SNX30: variants seen among roughly 807,000 people sequenced by gnomAD.
The protein encoded by SNX30 is sorting nexin family member 30.
A neutral mutation model predicts 46.4 loss-of-function variants in SNX30; 24 were observed. The observed-to-expected ratio is 0.52, with a 90% confidence interval of 0.37 to 0.73. The LOEUF (loss-of-function observed/expected upper bound fraction) is 0.73, where lower values mean the gene tolerates loss of function less well. Ranked by LOEUF, SNX30 falls within the 30% of genes least tolerant of loss-of-function variation. SNX30 has a pLI of 0.00. For missense variants in SNX30, 533 were observed against 555.7 expected (o/e 0.96, Z 0.41); for synonymous variants, 189 against 211.5 (o/e 0.89, Z 0.92).
intron 1 of SNX30, among the ~76,000 whole-genome samples, chr9:112,780,653 ACATCTAC>A (rs1159070916): frequency 6.6e-6 from 1 of 152,160 alleles, no homozygotes; most frequent in Non-Finnish European, 1.5e-5. Flanking sequence ...AATGTTCCTT[ACATCTAC>A]CATCTGCACA....
At chr9:112,760,858 G>T (rs1224967241) in intron 1 of SNX30, among the ~76,000 whole-genome samples, 1 of 152,200 alleles carries the variant, frequency 6.6e-6, no homozygotes, top group Non-Finnish European at 1.5e-5. Context: ...TATGTCTGCA[G>T]ATCAGCTGAG....
chr9:112,766,454 A>G (rs1475378431), intron 1 of SNX30, among the ~76,000 whole-genome samples: 1 of 152,222 alleles, frequency 6.6e-6, no homozygotes, highest in African/African-American at 2.4e-5. Context: ...TGAATGTACA[A>G]TACGATGGCG....
chr9:112,851,068 G>A, intron 7 of SNX30, 123 bp downstream of exon 7: 1 of 601,560 alleles, frequency 1.7e-6, no homozygotes, highest in Non-Finnish European at 2.9e-6. Context: ...CGTTGATGAT[G>A]TTGTCCTTTT....
intron 7 of SNX30, among the ~76,000 whole-genome samples, chr9:112,861,693 C>T (rs766516144): frequency 3.9e-5 from 6 of 152,322 alleles, no homozygotes; most frequent in East Asian, 3.9e-4. Flanking sequence ...CTCTCCGTGC[C>T]GCTGTGGGCC....
At chr9:112,786,427 C>G (rs1280669707) in intron 1 of SNX30, among the ~76,000 whole-genome samples, 2 of 151,202 alleles carry the variant, frequency 1.3e-5, no homozygotes, top group African/African-American at 4.8e-5. Flanking sequence ...GGCCTCTTGT[C>G]TCTTTTCTGA....
chr9:112,819,281 T>TTC (rs1840454868), intron 3 of SNX30, among the ~76,000 whole-genome samples: 1 of 149,262 alleles, frequency 6.7e-6, no homozygotes, highest in Non-Finnish European at 1.5e-5. Context: ...TTTTTTTTTT[T>TTC]TTTGAGATGA....
At chr9:112,781,031 G>T (rs976241582) in intron 1 of SNX30, among the ~76,000 whole-genome samples, 1 of 152,188 alleles carries the variant, frequency 6.6e-6, no homozygotes, top group Admixed American at 6.5e-5. Context: ...TCTCTTGTTT[G>T]CAAAGTCCTT....
intron 3 of SNX30, among the ~76,000 whole-genome samples, chr9:112,818,388 C>T (rs565422897): frequency 1.4e-4 from 21 of 152,172 alleles, no homozygotes; most frequent in African/African-American, 4.8e-4. Context: ...TGCCACCACG[C>T]CCAGCTAGTT....
intron 1 of SNX30, among the ~76,000 whole-genome samples, chr9:112,756,810 C>T (rs1366094372): frequency 4.6e-5 from 7 of 152,254 alleles, no homozygotes; most frequent in Non-Finnish European, 8.8e-5. Context: ...CCGCACCCTG[C>T]GTTGTAATAC....
chr9:112,833,582 T>G (rs1304654763), intron 4 of SNX30, among the ~76,000 whole-genome samples: 1 of 152,214 alleles, frequency 6.6e-6, no homozygotes, highest in Non-Finnish European at 1.5e-5. Context: ...AGTCAATATT[T>G]TCATCTTTGG....
chr9:112,809,097 T>C (rs893020959), intron 2 of SNX30, among the ~76,000 whole-genome samples: 3 of 151,674 alleles, frequency 2.0e-5, no homozygotes, highest in Admixed American at 1.3e-4. Context: ...CTTTCTTTTT[T>C]TTTTTTTTTG....
At chr9:112,754,051 G>A (rs1564256752) in intron 1 of SNX30, among the ~76,000 whole-genome samples, 1 of 152,214 alleles carries the variant, frequency 6.6e-6, no homozygotes, top group South Asian at 2.1e-4. Context: ...TAGATACTGG[G>A]GTTGTGATCC....
rs1840201630 is a variant in SNX30, at chr9:112,804,924, T to G, written c.305T>G (p.Val102Gly). The G allele has an allele frequency of 6.8e-6, 11 of 1,613,428 alleles. No homozygotes were observed. The highest frequency in any genetic ancestry group is 3.3e-5 in the South Asian group (3 of 90,988). The change falls in exon 2 of 9, where the codon GTG becomes GGG. Residue 102 changes from valine (V) to glycine (G), a missense_variant. Transcript: ENST00000374232. ...FVIVDDPKKH[V>G]CTMETYITYR... Reference sequence around the variant, plus strand: ...ATAGTTGATGATCCCAAGAAGCATGTGTGTACAATGGAGACTTACATCACC... The same window carrying G: ...ATAGTTGATGATCCCAAGAAGCATGGGTGTACAATGGAGACTTACATCACC...
chr9:112,758,466 A>G (rs13301634), intron 1 of SNX30, among the ~76,000 whole-genome samples: 3 of 152,002 alleles, frequency 2.0e-5, no homozygotes, highest in Non-Finnish European at 4.4e-5. Context: ...AGTAGCTGGG[A>G]CCACAGACGC....
chr9:112,829,011 T>C (rs1162029159), intron 3 of SNX30, among the ~76,000 whole-genome samples: 4 of 152,220 alleles, frequency 2.6e-5, no homozygotes, highest in Non-Finnish European at 5.9e-5. Flanking sequence ...ATCATATATA[T>C]GGACTTTTGT....
In SNX30 at chr9:112,872,507, T is replaced by C. The variant is rs975044182; in HGVS notation, c.*3664T>C. ...ACCTCCAAGGCCTATGTCAGCCTCT[T>C]CTCCTTGGGTCTTGGGGTGGGTTAG... On this transcript the variant is annotated 3_prime_UTR_variant, in exon 9 of 9. Coordinates refer to ENST00000374232, the MANE Select transcript of SNX30 (RefSeq NM_001012994.2). The C allele has an allele frequency of 4.6e-5, 7 of 152,186 alleles. No individual in the cohort carries two copies. The highest frequency in any genetic ancestry group is 7.3e-5 in the Non-Finnish European group (5 of 68,098). The allele number at this position is 152,186 out of a possible 1,614,324, so 9.4% of individuals were successfully genotyped here. A position where few individuals can be genotyped will look rare whatever the true frequency, so the allele number is the denominator to read the frequency against.
chr9:112,838,493 T>C lies in SNX30; in HGVS notation c.815-5T>C. 1 of 1,606,822 alleles carries C rather than the reference T, an allele frequency of 6.2e-7. No homozygotes were observed. On this transcript the variant is annotated splice_polypyrimidine_tract_variant and splice_region_variant and intron_variant, in intron 5 of 8. Transcript: ENST00000374232. ...GATTTTAATTAGTTTCTGTTCCCTG[T>C]TCAGAGTACCTTGTGGAGCTGAGAG...
At chr9:112,863,377 G>A (rs1308519926) in intron 7 of SNX30, among the ~76,000 whole-genome samples, 1 of 152,234 alleles carries the variant, frequency 6.6e-6, no homozygotes, top group Non-Finnish European at 1.5e-5. Flanking sequence ...TCAGGGCTCA[G>A]TGAAGTGCTT....
At chr9:112,882,720 C>G (rs994520615), downstream of SNX30, among the ~76,000 whole-genome samples, 1 of 151,934 alleles carries the variant, frequency 6.6e-6, no homozygotes, top group African/African-American at 2.4e-5. Context: ...TTTCTACCCT[C>G]GGTGGGTGGT....
Sources: gnomAD v4.1 joint callset for allele counts (sites outside exome capture counted in the v4.1 genomes callset) on GRCh38, gnomAD v4.1.1 for gene constraint, MANE v1.5 for transcripts, NCBI Gene and HGNC (gene_info 2026-07-23, HGNC 2026-07-21) for gene names.